Variants in GPC6 observed in about 807,000 individuals in gnomAD.
GPC6 encodes the protein glypican 6.
GPC6 carries 14 observed loss-of-function variants against 55.2 expected under a neutral mutation model. The observed-to-expected ratio is 0.25, with a 90% CI of 0.17 to 0.40. GPC6 has a LOEUF of 0.40. GPC6 is among the 10% of genes least tolerant of loss of function. The pLI is 1.00. For synonymous variants in GPC6, 278 were observed against 259.6 expected (o/e 1.07, Z -0.68); for missense variants, 641 against 708.5 (o/e 0.90, Z 1.08).
At chr13:94,114,791 G>A (rs1312620011) in intron 4 of GPC6, among the ~76,000 whole-genome samples, 1 of 152,078 alleles carries the variant, frequency 6.6e-6, no homozygotes, top group Non-Finnish European at 1.5e-5. Context: ...AGTTACTGAG[G>A]TCTTGTTAGA....
chr13:93,271,104 T>C (rs1877508368), intron 1 of GPC6, among the ~76,000 whole-genome samples: 2 of 152,090 alleles, frequency 1.3e-5, no homozygotes, highest in Non-Finnish European at 2.9e-5. Context: ...GGTTCCTACT[T>C]CTAATAATCA....
intron 4 of GPC6, among the ~76,000 whole-genome samples, chr13:94,249,466 C>T (rs1594097043): frequency 7.0e-5 from 1 of 14,314 alleles, no homozygotes; most frequent in Non-Finnish European, 1.4e-4. Context: ...ATTTGTATGA[C>T]CCCCTAAGAT....
At chr13:93,445,083 C>T (rs1279797204) in intron 1 of GPC6, among the ~76,000 whole-genome samples, 1 of 152,178 alleles carries the variant, frequency 6.6e-6, no homozygotes, top group Non-Finnish European at 1.5e-5. Context: ...TGGAAGCAAA[C>T]ATTTCTGCTA....
intron 2 of GPC6, among the ~76,000 whole-genome samples, chr13:93,549,806 C>T (rs1875044378): frequency 6.6e-6 from 1 of 152,078 alleles, no homozygotes; most frequent in African/African-American, 2.4e-5. Flanking sequence ...ATAGTCCAGC[C>T]CTCAAGGAAT....
intron 1 of GPC6, among the ~76,000 whole-genome samples, chr13:93,431,982 G>C (rs1246829858): frequency 6.6e-6 from 1 of 152,146 alleles, no homozygotes; most frequent in East Asian, 1.9e-4. Flanking sequence ...TGGGAGTCCA[G>C]AGTTCTTTCA....
intron 1 of GPC6, among the ~76,000 whole-genome samples, chr13:93,239,775 A>C (rs896719045): frequency 2.6e-5 from 4 of 151,936 alleles, no homozygotes; most frequent in Non-Finnish European, 4.4e-5. Flanking sequence ...TAGTGCTATA[A>C]GCTTTCCTGT....
intron 4 of GPC6, among the ~76,000 whole-genome samples, chr13:94,120,323 A>C (rs1009480533): frequency 2.0e-5 from 3 of 152,106 alleles, no homozygotes; most frequent in African/African-American, 7.2e-5. Flanking sequence ...AGGATTCAGC[A>C]GAAAACATTT....
intron 3 of GPC6, among the ~76,000 whole-genome samples, chr13:93,954,200 A>G (rs1879391461): frequency 1.3e-5 from 2 of 152,226 alleles, no homozygotes; most frequent in Admixed American, 6.5e-5. Flanking sequence ...ATATAGTTTT[A>G]TAATCTGCTA....
chr13:93,927,699 A>C (rs935645706), intron 3 of GPC6, among the ~76,000 whole-genome samples: 3 of 152,126 alleles, frequency 2.0e-5, no homozygotes, highest in African/African-American at 7.2e-5. Context: ...AAAAAAAAAA[A>C]AAAAGAATTG....
chr13:93,487,432 G>T (rs1024087370), intron 1 of GPC6, among the ~76,000 whole-genome samples: 13 of 151,984 alleles, frequency 8.6e-5, no homozygotes, highest in African/African-American at 3.1e-4. Flanking sequence ...TTAACATAGC[G>T]CCTGCTAGTA....
chr13:93,540,037 G>C (rs759373054), intron 1 of GPC6, among the ~76,000 whole-genome samples: 1 of 152,114 alleles, frequency 6.6e-6, no homozygotes, highest in Non-Finnish European at 1.5e-5. Context: ...TCTGTGCTTA[G>C]ACGAAACTAT....
chr13:93,633,930 T>A (rs1290830298), intron 2 of GPC6, among the ~76,000 whole-genome samples: 1 of 152,128 alleles, frequency 6.6e-6, no homozygotes, highest in Non-Finnish European at 1.5e-5. Context: ...ATAATTTCAA[T>A]ATAGTAAACA....
chr13:93,613,528 A>ACACAC (rs1461702620), intron 2 of GPC6, among the ~76,000 whole-genome samples: 8 of 117,384 alleles, frequency 6.8e-5, no homozygotes, highest in African/African-American at 3.3e-4. Context: ...ACACACACAC[A>ACACAC]AAACACACAC....
At chr13:93,499,076 C>T (rs1028848084) in intron 1 of GPC6, among the ~76,000 whole-genome samples, 2 of 140,814 alleles carry the variant, frequency 1.4e-5, no homozygotes, top group Admixed American at 7.6e-5. Flanking sequence ...ATAGTATATC[C>T]ACAATCCTTA....
intron 2 of GPC6, among the ~76,000 whole-genome samples, chr13:93,578,553 A>AT (rs999015060): frequency 2.7e-5 from 4 of 150,176 alleles, no homozygotes; most frequent in Admixed American, 1.3e-4. Context: ...TCTTATTTTC[A>AT]TTTTTTATTT....
intron 4 of GPC6, among the ~76,000 whole-genome samples, chr13:94,100,933 G>A (rs1348445139): frequency 6.6e-6 from 1 of 152,318 alleles, no homozygotes; most frequent in Admixed American, 6.5e-5. Flanking sequence ...TATACTGGGG[G>A]ATATTACAGT....
chr13:93,407,109 T>A lies in GPC6; in HGVS notation c.161-138154T>A, dbSNP rs966004383. Among the ~76,000 whole-genome samples, 6 of 152,306 alleles carry A rather than the reference T, an allele frequency of 3.9e-5. No homozygotes were observed. In the East Asian group the frequency reaches 1.2e-3, roughly 29 times the overall value. On this transcript the variant is annotated intron_variant, in intron 1 of 8. Transcript: ENST00000377047. ...GTATCACCAATGTTAAGTTTCTTTATGTGATTAATAGTTTGGCTGTTATGC... is the reference window on the plus strand; with the variant it reads ...GTATCACCAATGTTAAGTTTCTTTAAGTGATTAATAGTTTGGCTGTTATGC...
intron 3 of GPC6, among the ~76,000 whole-genome samples, chr13:93,890,488 A>C (rs1875606096): frequency 2.0e-5 from 3 of 152,078 alleles, no homozygotes; most frequent in African/African-American, 4.8e-5. Flanking sequence ...AAACATATGC[A>C]TAGGTTGTTA....
intron 2 of GPC6, among the ~76,000 whole-genome samples, chr13:93,676,129 ATATATATATATATAT>A (rs1566481649): frequency 0.079 from 564 of 7,166 alleles, 20 homozygotes; most frequent in African/African-American, 0.1. Flanking sequence ...AAAAAAAAAT[ATATATATATATATAT>A]ATATATATAT....
Sources: gnomAD v4.1 joint callset for allele counts (sites outside exome capture counted in the v4.1 genomes callset) on GRCh38, gnomAD v4.1.1 for gene constraint, MANE v1.5 for transcripts, NCBI Gene and HGNC (gene_info 2026-07-23, HGNC 2026-07-21) for gene names.